The following LIPA variants were observed in gnomAD, a reference collection of about 807,000 sequenced individuals.
LIPA encodes the protein lipase A, lysosomal acid type, also known as lysosomal acid lipase/cholesteryl ester hydrolase.
In LIPA, 26 loss-of-function variants were observed where a neutral mutation model predicts 40.6. The observed-to-expected ratio is 0.64, with a 90% CI of 0.47 to 0.89. The LOEUF is 0.89. Ranked by LOEUF, LIPA falls within the 40% of genes least tolerant of loss-of-function variation. The probability of loss-of-function intolerance (pLI) is 0.00; values close to 1 mark genes in which losing one functional copy is unlikely to be tolerated. For synonymous variants in LIPA, 188 were observed against 168.4 expected (o/e 1.12, Z -0.90); for missense variants, 455 against 479.6 (o/e 0.95, Z 0.48).
chr10:89,238,974 A>T (rs1038175007), intron 3 of LIPA, among the ~76,000 whole-genome samples: 11 of 152,346 alleles, frequency 7.2e-5, no homozygotes, highest in African/African-American at 2.6e-4. Flanking sequence ...TTATTAGAAC[A>T]TAACCACTAT....
intron 1 of LIPA, among the ~76,000 whole-genome samples, chr10:89,301,793 TC>T (rs770180294): frequency 3.6e-4 from 55 of 152,140 alleles, no homozygotes; most frequent in Non-Finnish European, 7.9e-4. Flanking sequence ...AAGAGCAATG[TC>T]CCCAGACCCA....
rs1054458150 is a variant in LIPA, at chr10:89,278,779, ATTAC to A, written c.-1-31134_-1-31131del. ...AATTATGGAAGAACACAAAATATATATTACTTACATATGTGTTATAGTAATATTA... is the reference window on the plus strand; with the variant it reads ...AATTATGGAAGAACACAAAATATATATTACATATGTGTTATAGTAATATTA... On this transcript the variant is annotated intron_variant, in intron 1 of 5. Transcript: ENST00000282673. Among the ~76,000 whole-genome samples, 9 of 151,966 alleles carry A rather than the reference ATTAC, an allele frequency of 5.9e-5. 1 individual carries two copies. The highest frequency in any genetic ancestry group is 2.2e-4 in the African/African-American group (9 of 41,502).
In LIPA at chr10:89,331,341, T is replaced by G. The variant is rs141330122; in HGVS notation, c.-2+11270A>C. On this transcript the variant is annotated intron_variant, in intron 1 of 5. Transcript: ENST00000282673. ...AGCACGCCACTATGCCTGGTTAATT[T>G]TTTTGTATTTTAGTAGCAATGGGGT... Among the ~76,000 whole-genome samples the G allele has an allele frequency of 4.0e-3, 607 of 152,224 alleles. 5 individuals are homozygous for G. The highest frequency in any genetic ancestry group is 0.014 in the African/African-American group (571 of 41,534).
chr10:89,308,880 C>T (rs1248132238), intron 1 of LIPA: 1 of 152,126 alleles, frequency 6.6e-6, no homozygotes, highest in African/African-American at 2.4e-5. Flanking sequence ...CTGAAAATGT[C>T]ATATATTTTC....
intron 2 of LIPA, chr10:89,392,597 A>G (rs1844272131): frequency 1.7e-6 from 2 of 1,160,856 alleles, no homozygotes; most frequent in South Asian, 1.2e-5. Context: ...GCTCCCTTAT[A>G]TAACACTGTC....
At chr10:89,301,981 A>G in intron 1 of LIPA, 1 of 705,358 alleles carries the variant, frequency 1.4e-6, no homozygotes, top group East Asian at 2.8e-5. Context: ...CGTCAGCTGA[A>G]GGGAAACAAA....
At chr10:89,227,615 T>A (rs1038195669) in intron 4 of LIPA, among the ~76,000 whole-genome samples, 1 of 152,216 alleles carries the variant, frequency 6.6e-6, no homozygotes, top group Admixed American at 6.5e-5. Flanking sequence ...GGTATATGCA[T>A]GCGCATGTTG....
intron 1 of LIPA, chr10:89,306,075 A>G (rs1241835586): frequency 6.2e-7 from 1 of 1,614,170 alleles, no homozygotes. Flanking sequence ...AAAGTATTTT[A>G]CCGGACTGAG....
At position 89,214,723 on chromosome 10, in the gene LIPA, AC is replaced by A. The variant is rs1842597750; in HGVS notation, c.*104del. On this transcript the variant is annotated 3_prime_UTR_variant, in exon 10 of 10. Coordinates refer to ENST00000336233, the MANE Select transcript of LIPA (RefSeq NM_000235.4). ...TTATCATTTTCTTGGATATAAAAAAACAAAAGACCTGGGAAAGAAAAACAAG... is the reference window on the plus strand; with the variant it reads ...TTATCATTTTCTTGGATATAAAAAAAAAAAGACCTGGGAAAGAAAAACAAG... 2 of 742,086 alleles carry A rather than the reference AC, an allele frequency of 2.7e-6. No individual in the cohort carries two copies. The highest frequency in any genetic ancestry group is 1.6e-5 in the South Asian group (1 of 61,566). 46.0% of individuals were successfully genotyped at this position (742,086 alleles called of 1,614,324 possible). A position where few individuals can be genotyped will look rare whatever the true frequency, so the allele number is the denominator to read the frequency against.
chr10:89,408,739 G>C (rs1384179514), intron 2 of LIPA, among the ~76,000 whole-genome samples: 1 of 152,200 alleles, frequency 6.6e-6, no homozygotes, highest in African/African-American at 2.4e-5. Context: ...GAGATGTCAT[G>C]CTAGTGGTAG....
rs565611105 is a variant in LIPA at position 89,233,625 on chromosome 10, C to A, written c.230-5227G>T. Among the ~76,000 whole-genome samples the A allele has an allele frequency of 3.3e-5, 5 of 152,316 alleles. No individual in the cohort carries two copies. The South Asian group carries it at 1.0e-3, about 32-fold the overall frequency. ...CCTTAAAAAGCAATGGCAGGCCGGGCACGGTGGCTCACGCCTGTAATCCCA... is the reference window on the plus strand; with the variant it reads ...CCTTAAAAAGCAATGGCAGGCCGGGAACGGTGGCTCACGCCTGTAATCCCA... On this transcript the variant is annotated intron_variant, in intron 3 of 9. Coordinates refer to ENST00000336233, the MANE Select transcript of LIPA (RefSeq NM_000235.4).
intron 1 of LIPA, among the ~76,000 whole-genome samples, chr10:89,271,493 G>A (rs903228998): frequency 2.0e-5 from 3 of 152,160 alleles, no homozygotes; most frequent in Non-Finnish European, 4.4e-5. Context: ...TGTTCTGATG[G>A]GTGATTTATC....
rs553432078 is a variant in LIPA at position 89,337,209 on chromosome 10, G to A, written c.-2+5402C>T. On this transcript the variant is annotated intron_variant, in intron 1 of 5. Transcript: ENST00000282673. The stretch of plus-strand genomic sequence containing the variant: ...TATCTGGGCTTTTATTTCTTTACAT[G>A]TCTCCTAACAAAACTGAAAGCACCT... 2.0e-5 allele frequency among the ~76,000 whole-genome samples: 3 copies of A among 152,208 alleles called. No homozygotes were observed. The East Asian group carries it at 5.8e-4, about 29-fold the overall frequency.
chr10:89,328,059 A>T lies in LIPA; in HGVS notation c.-2+14552T>A, dbSNP rs748925972. ...TCACCAGCTTTTCGGAACAGCAGAG[A>T]CACAGAGGGCAGTCATGAGGTCAGT... is the stretch of plus-strand genomic sequence containing the variant. On this transcript the variant is annotated intron_variant, in intron 1 of 5. Coordinates refer to the LIPA transcript ENST00000282673. The T allele has an allele frequency of 5.0e-6, 8 of 1,613,972 alleles. No individual in the cohort carries two copies. In the East Asian group the frequency reaches 1.1e-4, roughly 22 times the overall value.
At chr10:89,250,107 C>CTTTTTTTTTTTTTTTTTTTTTTTTTTT (rs398038546) in intron 1 of LIPA, among the ~76,000 whole-genome samples, 3 of 96,076 alleles carry the variant, frequency 3.1e-5, no homozygotes, top group African/African-American at 4.6e-5. Flanking sequence ...TCTTTTCTTT[C>CTTTTTTTTTTTTTTTTTTTTTTTTTTT]TTTTTTTTTT....
intron 3 of LIPA, among the ~76,000 whole-genome samples, chr10:89,230,734 C>T (rs901080103): frequency 3.3e-5 from 5 of 152,314 alleles, no homozygotes; most frequent in African/African-American, 9.6e-5. Context: ...AATGATAATA[C>T]ACATTTTATA....
chr10:89,285,265 G>T, intron 1 of LIPA: 1 of 156,104 alleles, frequency 6.4e-6, no homozygotes, highest in Non-Finnish European at 1.4e-5. Context: ...TTTAAATCGG[G>T]TAAGTGGCCT....
At chr10:89,225,301 C>G in intron 5 of LIPA, 73 bp from the exon 6 acceptor site, 1 of 1,585,632 alleles carries the variant, frequency 6.3e-7, no homozygotes, top group South Asian at 1.1e-5. Context: ...CAAAGGCCGT[C>G]ACTCGCGACG....
At chr10:89,358,056 A>G (rs573053274) in intron 2 of LIPA, among the ~76,000 whole-genome samples, 1 of 152,282 alleles carries the variant, frequency 6.6e-6, no homozygotes, top group East Asian at 1.9e-4. Flanking sequence ...AGAGGACCCT[A>G]TTCTCAGATG....
Sources: allele counts gnomAD v4.1 joint callset (sites outside exome capture counted in the v4.1 genomes callset), GRCh38; gene constraint gnomAD v4.1.1; transcripts MANE v1.5; gene names NCBI Gene and HGNC (gene_info 2026-07-23, HGNC 2026-07-21).